PCDHA5: variants seen among roughly 807,000 people sequenced by gnomAD.
The protein encoded by PCDHA5 is protocadherin alpha-5.
A neutral mutation model predicts 61.6 loss-of-function variants in PCDHA5; 43 were observed. The observed-to-expected ratio is 0.70, with a 90% CI of 0.55 to 0.90. PCDHA5 has a LOEUF of 0.90. PCDHA5 is among the 40% of genes least tolerant of loss of function. PCDHA5 has a pLI of 0.00. For synonymous variants in PCDHA5, 627 were observed against 543.9 expected (o/e 1.15, Z -2.13); for missense variants, 1,298 against 1,222.7 (o/e 1.06, Z -0.92).
At chr5:141,002,532 C>T (rs571310813) in intron 3 of PCDHA5, among the ~76,000 whole-genome samples, 26 of 152,270 alleles carry the variant, frequency 1.7e-4, no homozygotes, top group African/African-American at 6.0e-4. Flanking sequence ...AGTCAGACTC[C>T]CTAGATTTGA....
chr5:140,877,389 G>A (rs1554169667), intron 1 of PCDHA5: 3 of 1,613,994 alleles, frequency 1.9e-6, no homozygotes, highest in South Asian at 1.1e-5. Flanking sequence ...TCCTGGATGA[G>A]GCGGACGCTC....
At chr5:140,834,878 C>G in intron 1 of PCDHA5, 1 of 1,607,956 alleles carries the variant, frequency 6.2e-7, no homozygotes, top group Non-Finnish European at 8.5e-7. Context: ...TCGGGGAGAA[C>G]GCCCTGCTCA....
At chr5:140,828,862 C>T (rs2150159832) in intron 1 of PCDHA5, 2 of 1,614,178 alleles carry the variant, frequency 1.2e-6, no homozygotes, top group Non-Finnish European at 1.7e-6. Context: ...ATGCAGACAA[C>T]GGAACAACAG....
chr5:140,858,350 A>C (rs1160044351), intron 1 of PCDHA5: 1 of 1,594,392 alleles, frequency 6.3e-7, no homozygotes, highest in East Asian at 2.2e-5. Context: ...GGCGGACCTC[A>C]TGGCCTTCAG....
intron 1 of PCDHA5, among the ~76,000 whole-genome samples, chr5:140,896,268 A>T (rs2065469707): frequency 6.6e-6 from 1 of 152,150 alleles, no homozygotes; most frequent in African/African-American, 2.4e-5. Context: ...CAGTTATGGG[A>T]TTTGCTGGCT....
At chr5:140,866,158 A>G (rs560063709) in intron 1 of PCDHA5, 1 of 152,270 alleles carries the variant, frequency 6.6e-6, no homozygotes, top group East Asian at 1.9e-4. Context: ...ATAAGTAAGA[A>G]TCGTTTAACA....
At chr5:140,888,749 AC>A (rs1218374821) in intron 1 of PCDHA5, among the ~76,000 whole-genome samples, 1 of 151,232 alleles carries the variant, frequency 6.6e-6, no homozygotes, top group African/African-American at 2.4e-5. Context: ...GAATTATTCT[AC>A]CCACTTTTTT....
chr5:140,857,320 G>T, intron 1 of PCDHA5: 1 of 1,598,728 alleles, frequency 6.3e-7, no homozygotes. Flanking sequence ...AGCTGGTGGT[G>T]ACCGCGCGGG....
intron 1 of PCDHA5, among the ~76,000 whole-genome samples, chr5:140,971,989 T>C (rs1183313679): frequency 1.3e-5 from 2 of 152,170 alleles, no homozygotes; most frequent in African/African-American, 4.8e-5. Context: ...AGACAGAAGT[T>C]CCAATGTTTA....
intron 1 of PCDHA5, among the ~76,000 whole-genome samples, chr5:140,954,127 T>A (rs530320994): frequency 2.6e-5 from 4 of 152,372 alleles, no homozygotes; most frequent in Non-Finnish European, 5.9e-5. Context: ...TTCCTTTTTA[T>A]GGATGCATAG....
intron 1 of PCDHA5, chr5:140,877,726 C>T (rs781814794): frequency 6.2e-7 from 1 of 1,614,174 alleles, no homozygotes; most frequent in African/African-American, 1.3e-5. Context: ...GTCTTACTCG[C>T]AGCAGAGGAG....
intron 1 of PCDHA5, among the ~76,000 whole-genome samples, chr5:140,953,847 A>G (rs1165540937): frequency 6.6e-6 from 1 of 152,200 alleles, no homozygotes. Flanking sequence ...CCAGGTAAAC[A>G]TGTGCCATGG....
chr5:140,883,262 G>T (rs1211665444), intron 1 of PCDHA5: 1 of 1,613,956 alleles, frequency 6.2e-7, no homozygotes. Flanking sequence ...TCCAATGGCG[G>T]GTCATTGTAC....
intron 1 of PCDHA5, among the ~76,000 whole-genome samples, chr5:140,965,212 T>G (rs1360102713): frequency 6.6e-6 from 1 of 152,180 alleles, no homozygotes; most frequent in African/African-American, 2.4e-5. Context: ...CAAATTCCTG[T>G]GGAAGAAATG....
chr5:140,863,121 G>A, intron 1 of PCDHA5: 2 of 592,122 alleles, frequency 3.4e-6, no homozygotes, highest in South Asian at 2.7e-5. Context: ...CGAAAGCTAC[G>A]CGCCACCGCC....
rs184346855 is a variant in PCDHA5 at position 140,854,945 on chromosome 5, A to C, written c.2352+30818A>C. 2.0e-5 allele frequency among the ~76,000 whole-genome samples: 3 copies of C among 150,054 alleles called. 1 individual carries two copies. Among genetic ancestry groups the C allele is most frequent in the African/African-American group, 7.3e-5 (3 of 41,022 alleles). ...TTTGCCTCTGAAAGCAGAAATAATA[A>C]ATTTCTTAATTACTTTATTCAGAAT... On this transcript the variant is annotated intron_variant, in intron 1 of 3. Transcript: ENST00000529859.
chr5:140,868,938 T>A (rs2050744008), intron 1 of PCDHA5: 1 of 1,227,724 alleles, frequency 8.1e-7, no homozygotes, highest in Non-Finnish European at 1.1e-6. Flanking sequence ...AAGGTTGGTC[T>A]GAACAGTGAG....
intron 1 of PCDHA5, among the ~76,000 whole-genome samples, chr5:140,894,305 T>A (rs1318862417): frequency 6.6e-6 from 1 of 152,078 alleles, no homozygotes; most frequent in East Asian, 1.9e-4. Context: ...TCCTGGAAAG[T>A]TTTCTTAAAT....
Position 140,823,525 on chromosome 5 carries a change from G to C in PCDHA5, c.1750G>C (p.Val584Leu), listed in dbSNP as rs2150126646. Residue 584 changes from valine to leucine, a missense_variant, in exon 1 of 4, where the codon GTG (valine) becomes CTG (leucine). Val to Leu is a conservative substitution (Grantham distance 32). Transcript: ENST00000529859. ...GAVSELVPRS[V>L]GAGHVVAKVR... ...AGTGAGCGAGCTGGTGCCGAGGTCA[G>C]TGGGTGCGGGCCACGTGGTGGCGAA... The C allele has an allele frequency of 2.5e-6, 4 of 1,613,736 alleles. No homozygotes were observed. The highest frequency in any genetic ancestry group is 3.4e-6 in the Non-Finnish European group (4 of 1,179,834).
Sources: allele counts gnomAD v4.1 joint callset (sites outside exome capture counted in the v4.1 genomes callset), GRCh38; gene constraint gnomAD v4.1.1; transcripts MANE v1.5; gene names NCBI Gene and HGNC (gene_info 2026-07-23, HGNC 2026-07-21).